NCOR1: variants seen among roughly 807,000 people sequenced by gnomAD.
NCOR1 encodes the protein protein phosphatase 1, regulatory subunit 109.
In NCOR1, 63 loss-of-function variants were observed where a neutral mutation model predicts 288.1. The observed-to-expected ratio is 0.22, with a 90% CI of 0.18 to 0.27. NCOR1 has a LOEUF of 0.27. Among genes scored for constraint, NCOR1 ranks in the 10% least tolerant of loss-of-function variants. The probability of loss-of-function intolerance (pLI) is 1.00; values close to 1 mark genes in which losing one functional copy is unlikely to be tolerated. For missense variants in NCOR1, 2,397 were observed against 3,019.2 expected, an observed-to-expected ratio of 0.79 and a Z score of 4.83; for synonymous variants, 1,007 against 1,065.9, an observed-to-expected ratio of 0.94 and a Z score of 1.08.
intron 18 of NCOR1, among the ~76,000 whole-genome samples, chr17:16,114,143 CAA>C (rs71353770): frequency 5.6e-5 from 1 of 17,734 alleles, no homozygotes; most frequent in African/African-American, 1.9e-4. Context: ...TGGCGGCAGG[CAA>C]AAAAAAAAAA....
intron 21 of NCOR1, among the ~76,000 whole-genome samples, chr17:16,094,977 C>A (rs1294256302): frequency 6.6e-6 from 1 of 152,108 alleles, no homozygotes; most frequent in Admixed American, 6.5e-5. Context: ...AGCCTCTGCC[C>A]GGCCGCCACC....
intron 19 of NCOR1, among the ~76,000 whole-genome samples, chr17:16,104,355 A>T (rs1162138394): frequency 6.6e-6 from 1 of 152,254 alleles, no homozygotes. Flanking sequence ...TTCAAATATG[A>T]TGAAGTGTCA....
rs74590805 is a variant in NCOR1, at chr17:16,061,384, C to T, written c.5881+17G>A. On this transcript the variant is annotated intron_variant, in intron 37 of 45. Transcript: ENST00000268712. ...TACTCAGACATCACATTGTGAAACT[C>T]GGATTGAGATACATACAGCTACTAG... The T allele has an allele frequency of 3.2e-3, 5,094 of 1,603,800 alleles. 14 individuals carry two copies. The highest frequency in any genetic ancestry group is 3.9e-3 in the Non-Finnish European group (4,610 of 1,173,614).
Position 16,146,489 on chromosome 17 carries a change from G to A in NCOR1, c.969C>T (p.Asp323=). The part of the protein sequence containing the change: ...QLMEAWEKKV[D]RIENNPRRKA... ...TCCTCCGAGGATTATTTTCTATTCT[G>A]TCCACTTTTTTCTCCCATGCCTCCA... Residue 323 remains aspartate, a synonymous_variant, in exon 10 of 46, where the codon GAC becomes GAT. Coordinates refer to ENST00000268712, the MANE Select transcript of NCOR1 (RefSeq NM_006311.4). 1.2e-6 allele frequency: 2 copies of A among 1,613,268 alleles called. No individual in the cohort carries two copies. The highest frequency in any genetic ancestry group is 1.7e-6 in the Non-Finnish European group (2 of 1,179,708).
chr17:16,215,341 C>T, intron 1 of NCOR1, 21 bp downstream of exon 1: 1 of 392,504 alleles, frequency 2.5e-6, no homozygotes, highest in Admixed American at 4.4e-5. Flanking sequence ...GCCGGGGTTG[C>T]AGGCGCCAGG....
At chr17:16,115,649 TAAG>T (rs1194659978) in intron 18 of NCOR1, among the ~76,000 whole-genome samples, 3 of 152,216 alleles carry the variant, frequency 2.0e-5, no homozygotes, top group Non-Finnish European at 4.4e-5. Context: ...TGCTAAAACA[TAAG>T]AAGACTCACC....
chr17:16,068,175 A>G, intron 31 of NCOR1, 54 bp from the exon 32 acceptor site: 3 of 1,351,556 alleles, frequency 2.2e-6, no homozygotes, highest in Non-Finnish European at 3.1e-6. Flanking sequence ...AAGTATGATA[A>G]TATTTGTCCA....
intron 8 of NCOR1, among the ~76,000 whole-genome samples, chr17:16,149,804 C>T (rs2078575763): frequency 6.6e-6 from 1 of 152,226 alleles, no homozygotes; most frequent in East Asian, 1.9e-4. Flanking sequence ...ATTAAAATTA[C>T]AGTTACTTAT....
intron 14 of NCOR1, among the ~76,000 whole-genome samples, chr17:16,129,462 T>C (rs2075271287): frequency 6.6e-6 from 1 of 152,228 alleles, no homozygotes; most frequent in South Asian, 2.1e-4. Context: ...CCTGGCTAAC[T>C]GCCAGTTCCT....
In NCOR1 at chr17:16,095,186, T is replaced by A. The variant is rs565580576; in HGVS notation, c.2821-3128A>T. The stretch of plus-strand genomic sequence containing the variant: ...AACGTCTCTGCCCGGCCGCCCATCG[T>A]CTGAGATGTGGGGAGCGCCTCTACC... On this transcript the variant is annotated intron_variant, in intron 21 of 45. Transcript: ENST00000268712. Among the ~76,000 whole-genome samples the A allele has an allele frequency of 3.2e-4, 47 of 147,706 alleles. 1 individual carries two copies. The highest frequency in any genetic ancestry group is 3.9e-3 in the Middle Eastern group (1 of 258).
At position 16,101,119 on chromosome 17, in the gene NCOR1, T is replaced by A. The variant is rs980102255; in HGVS notation, c.2690+131A>T. Reference sequence around the variant, plus strand: ...TAAACAGAACAGTATCAGCCCAATATTAAAATTGTACAGACTACCTATAAC... The same window carrying A: ...TAAACAGAACAGTATCAGCCCAATAATAAAATTGTACAGACTACCTATAAC... On this transcript the variant is annotated intron_variant, in intron 20 of 45. Transcript: ENST00000268712. 1.3e-5 allele frequency: 11 copies of A among 875,620 alleles called. No individual in the cohort carries two copies. The African/African-American group carries it at 1.7e-4, about 13-fold the overall frequency. The allele number at this position is 875,620 out of a possible 1,614,324, so 54.2% of individuals were successfully genotyped here. A position where few individuals can be genotyped will look rare whatever the true frequency, so the allele number is the denominator to read the frequency against.
At chr17:16,044,445 G>A (rs1213506821) in intron 42 of NCOR1, 2 of 472,006 alleles carry the variant, frequency 4.2e-6, no homozygotes, top group African/African-American at 2.0e-5. Context: ...CTTTTGACAG[G>A]ATCAGGAGAC....
At position 16,151,619 on chromosome 17, in the gene NCOR1, G is replaced by GA. The variant is rs775682631; in HGVS notation, c.842+326dup. 8 of 1,358,510 alleles carry GA rather than the reference G, an allele frequency of 5.9e-6. No homozygotes were observed. The Admixed American group carries it at 6.7e-5, about 11-fold the overall frequency. 84.2% of individuals were successfully genotyped at this position (1,358,510 alleles called of 1,614,324 possible). On this transcript the variant is annotated intron_variant, in intron 8 of 45. Transcript: ENST00000268712. Reference sequence around the variant, plus strand: ...TCATGCGCCTTGCAGGTACTCCACTGAAAAAAAGACAAAACAGGAGGCAAA... The same window carrying GA: ...TCATGCGCCTTGCAGGTACTCCACTGAAAAAAAAGACAAAACAGGAGGCAAA...
At chr17:16,178,133 C>T (rs1489440937) in intron 3 of NCOR1, among the ~76,000 whole-genome samples, 1 of 151,914 alleles carries the variant, frequency 6.6e-6, no homozygotes, top group Non-Finnish European at 1.5e-5. Context: ...CCCTTCAACC[C>T]GGGAGGCAGA....
In NCOR1 at chr17:16,215,438, C is replaced by A; in HGVS notation, c.-147G>T. The stretch of plus-strand genomic sequence containing the variant: ...GACGCGGCCACGGCGCGCGGCCCTA[C>A]ACCGGGACCTCGTTCGGCGCGGCGA... On this transcript the variant is annotated 5_prime_UTR_variant, in exon 1 of 46. Coordinates refer to ENST00000268712, the MANE Select transcript of NCOR1 (RefSeq NM_006311.4). 2 of 397,278 alleles carry A rather than the reference C, an allele frequency of 5.0e-6. No homozygotes were observed. The highest frequency in any genetic ancestry group is 8.9e-6 in the Non-Finnish European group (2 of 225,118). 24.6% of individuals were successfully genotyped at this position (397,278 alleles called of 1,614,324 possible). A position where few individuals can be genotyped will look rare whatever the true frequency, so the allele number is the denominator to read the frequency against.
At chr17:16,179,032 G>A (rs1281846905) in intron 3 of NCOR1, among the ~76,000 whole-genome samples, 1 of 152,090 alleles carries the variant, frequency 6.6e-6, no homozygotes, top group East Asian at 1.9e-4. Flanking sequence ...GAACATGAGA[G>A]GCAGAGGTTG....
At chr17:16,137,802 T>G in intron 13 of NCOR1, 1 of 239,054 alleles carries the variant, frequency 4.2e-6, no homozygotes, top group Non-Finnish European at 7.9e-6. Flanking sequence ...TTGCTTGTCA[T>G]CCTTGCGCAG....
intron 19 of NCOR1, among the ~76,000 whole-genome samples, chr17:16,108,004 G>C (rs2069138599): frequency 6.6e-6 from 1 of 151,516 alleles, no homozygotes; most frequent in African/African-American, 2.4e-5. Context: ...ACCCTACACA[G>C]AAAAGAGATA....
At chr17:16,077,506 AGGAGAGGGGAG>A (rs1656075802) in intron 26 of NCOR1, among the ~76,000 whole-genome samples, 2 of 26,520 alleles carry the variant, frequency 7.5e-5, no homozygotes, top group African/African-American at 3.8e-4. Flanking sequence ...AGGAGAGGGG[AGGAGAGGGGAG>A]GGGGGGAGGA....
Sources: gnomAD v4.1 joint callset for allele counts (sites outside exome capture counted in the v4.1 genomes callset) on GRCh38, gnomAD v4.1.1 for gene constraint, MANE v1.5 for transcripts, NCBI Gene and HGNC (gene_info 2026-07-23, HGNC 2026-07-21) for gene names.